The following PIEZO1 variants were observed in gnomAD, a reference collection of about 807,000 sequenced individuals.
The protein encoded by PIEZO1 is piezo type mechanosensitive ion channel component 1 (Er blood group).
In PIEZO1, 296 loss-of-function variants were observed where a neutral mutation model predicts 297.2. The observed-to-expected ratio is 1.00, with a 90% CI of 0.91 to 1.10. The LOEUF is 1.10. Among genes scored for constraint, PIEZO1 ranks in the 50% least tolerant of loss-of-function variants. The pLI is 0.00. For synonymous variants in PIEZO1, 2,427 were observed against 1,507.5 expected (o/e 1.61, Z -14.13); for missense variants, 5,018 against 3,455.5 (o/e 1.45, Z -11.34).
At chr16:88,729,863 G>C (rs891605893) in intron 22 of PIEZO1, among the ~76,000 whole-genome samples, 13 of 151,824 alleles carry the variant, frequency 8.6e-5, no homozygotes, top group Non-Finnish European at 1.8e-4. Flanking sequence ...GGGGAACCCA[G>C]GACATGCTGA....
chr16:88,732,444 A>C lies in PIEZO1; in HGVS notation c.2882T>G (p.Leu961Arg), dbSNP rs771591364. 6.5e-7 allele frequency: 1 copy of C among 1,549,486 alleles called. No homozygotes were observed. The highest frequency in any genetic ancestry group is 1.4e-5 in the African/African-American group (1 of 73,012). The change falls in exon 21 of 51, where the codon CTG becomes CGG. Residue 961 changes from leucine to arginine, a missense_variant. Physicochemically the swap from Leu to Arg is moderately radical, Grantham distance 102. Transcript: ENST00000301015. ...GCTGGCAAACACGGCCTGGGCAGGC[A>C]GCGGGGCCAGCTGGTGCTGCCGGCG... is the stretch of plus-strand genomic sequence containing the variant. The part of the protein sequence containing the change: ...HYRRQHQLAP[L>R]PAQAVFASGT...
chr16:88,773,963 G>A (rs1907542949), intron 1 of PIEZO1, among the ~76,000 whole-genome samples: 1 of 152,122 alleles, frequency 6.6e-6, no homozygotes, highest in African/African-American at 2.4e-5. Flanking sequence ...AGTCCCTTCA[G>A]CACCGCAAGC....
chr16:88,722,703 C>G lies in PIEZO1; in HGVS notation c.4669-14G>C. 6.5e-7 allele frequency: 1 copy of G among 1,534,486 alleles called. No individual in the cohort carries two copies. The highest frequency in any genetic ancestry group is 2.4e-5 in the East Asian group (1 of 40,860). ...CACTTCGCCGCCCTGCAGGGCACAG[C>G]AGGGGGCTCAGGGCTGCGTCCAGCT... On this transcript the variant is annotated splice_polypyrimidine_tract_variant and intron_variant, in intron 34 of 50. Transcript: ENST00000301015.
Position 88,719,815 on chromosome 16 carries a change from A to T in PIEZO1, c.6310T>A (p.Phe2104Ile). The T allele has an allele frequency of 6.4e-7, 1 of 1,550,488 alleles. No homozygotes were observed. Among genetic ancestry groups the T allele is most frequent in the Non-Finnish European group, 8.7e-7 (1 of 1,146,912 alleles). Residue 2104 changes from phenylalanine to isoleucine, a missense_variant, in exon 43 of 51, where the codon TTC becomes ATC. Physicochemically the swap from Phe to Ile is conservative, Grantham distance 21. Transcript: ENST00000301015. Reference sequence around the variant, plus strand: ...ACCTGCACTCACCCCTGGAAGAGGAAGAGGTTGAGATGATTGTACTTCTTG... The same window carrying T: ...ACCTGCACTCACCCCTGGAAGAGGATGAGGTTGAGATGATTGTACTTCTTG... Reference protein sequence around the residue: ...LTKKYNHLNLFLFQGFRLVPF... With the variant: ...LTKKYNHLNLILFQGFRLVPF...
chr16:88,764,612 A>G lies in PIEZO1; in HGVS notation c.65-15133T>C, dbSNP rs550895996. 5.9e-5 allele frequency among the ~76,000 whole-genome samples: 9 copies of G among 151,972 alleles called. No homozygotes were observed. The East Asian group carries it at 1.7e-3, about 29-fold the overall frequency. On this transcript the variant is annotated intron_variant, in intron 1 of 50. Coordinates refer to ENST00000301015, the MANE Select transcript of PIEZO1 (RefSeq NM_001142864.4). ...CTAAAAATACAAAAATTAGCCGGGC[A>G]TGGTGGCACGTACCTGTAATCCCAG... is the stretch of plus-strand genomic sequence containing the variant.
chr16:88,784,932 G>A lies in PIEZO1; in HGVS notation c.33C>T (p.Tyr11=). The change falls in exon 1 of 51, where the codon TAC becomes TAT. Residue 11 remains tyrosine, a synonymous_variant. Coordinates refer to ENST00000301015, the MANE Select transcript of PIEZO1 (RefSeq NM_001142864.4). ...GCAGCGCGCAGGGCAGCAGCAGCCA[G>A]TACAGGACCGCGCCGAGCACGTGCG... MEPHVLGAVL[Y]WLLLPCALLA... The A allele has an allele frequency of 7.1e-7, 1 of 1,414,564 alleles. No individual in the cohort carries two copies. The highest frequency in any genetic ancestry group is 9.3e-7 in the Non-Finnish European group (1 of 1,079,152). 87.6% of individuals were successfully genotyped at this position (1,414,564 alleles called of 1,614,324 possible). A position where few individuals can be genotyped will look rare whatever the true frequency, so the allele number is the denominator to read the frequency against.
Position 88,721,401 on chromosome 16 carries a change from G to A in PIEZO1, c.5433C>T (p.Asp1811=). The change falls in exon 39 of 51, where the codon GAC becomes GAT. Residue 1811 remains aspartate, a synonymous_variant. Coordinates refer to ENST00000301015, the MANE Select transcript of PIEZO1 (RefSeq NM_001142864.4). ...TCTTGTCATGCTCCTTGGATGGTGA[G>A]TCCTCCTCATGGTCCCAGAGGCCAT... The part of the protein sequence containing the change: ...LCYGLWDHEE[D]SPSKEHDKSG... The A allele has an allele frequency of 1.3e-6, 2 of 1,549,780 alleles. No individual in the cohort carries two copies. Among genetic ancestry groups the A allele is most frequent in the Non-Finnish European group, 1.7e-6 (2 of 1,146,720 alleles).
At chr16:88,780,888 C>A (rs774111306) in intron 1 of PIEZO1, among the ~76,000 whole-genome samples, 47 of 152,162 alleles carry the variant, frequency 3.1e-4, no homozygotes, top group Non-Finnish European at 6.0e-4. Context: ...GCCCTGGAGG[C>A]TGAAGTTGTA....
intron 1 of PIEZO1, among the ~76,000 whole-genome samples, chr16:88,780,092 G>A (rs1302397198): frequency 6.6e-6 from 1 of 152,140 alleles, no homozygotes; most frequent in Non-Finnish European, 1.5e-5. Context: ...TGCTGCCCAC[G>A]AGCCGCCACC....
intron 1 of PIEZO1, among the ~76,000 whole-genome samples, chr16:88,749,839 C>T (rs1034500508): frequency 3.3e-5 from 5 of 152,234 alleles, no homozygotes; most frequent in South Asian, 4.1e-4. Flanking sequence ...ACCAGCCTGG[C>T]CAACGTGGTG....
At chr16:88,739,167 G>A (rs1905464979) in intron 5 of PIEZO1, 1 of 172,466 alleles carries the variant, frequency 5.8e-6, no homozygotes, top group Non-Finnish European at 1.2e-5. Context: ...CAGGCTCCAG[G>A]GTCTCCTGTG....
At position 88,720,689 on chromosome 16, in the gene PIEZO1, C is replaced by G. The variant is rs200929552; in HGVS notation, c.5728G>C (p.Glu1910Gln). Residue 1910 changes from glutamate to glutamine, a missense_variant, in exon 40 of 51, where the codon GAG becomes CAG. By Grantham distance (29) the Glu-to-Gln change is conservative. Transcript: ENST00000301015. ...CCTCCAGAGCGGCTTGGCCTCTTCT[C>G]TCTCCCCGTGGGGGCCTCTTTCTCT... is the stretch of plus-strand genomic sequence containing the variant. ...EEEKEAPTGR[E>Q]KRPSRSGGRV... is the part of the protein sequence containing the mutation. 1 of 1,542,858 alleles carries G rather than the reference C, an allele frequency of 6.5e-7. No individual in the cohort carries two copies. The highest frequency in any genetic ancestry group is 8.7e-7 in the Non-Finnish European group (1 of 1,143,474).
intron 1 of PIEZO1, among the ~76,000 whole-genome samples, chr16:88,783,127 C>T (rs553599170): frequency 1.6e-4 from 25 of 152,306 alleles, no homozygotes; most frequent in South Asian, 4.1e-4. Flanking sequence ...TGGGCTACCT[C>T]CCCATCCTCC....
intron 27 of PIEZO1, 61 bp from the exon 28 acceptor site, chr16:88,725,745 C>A: frequency 1.2e-6 from 1 of 844,784 alleles, no homozygotes; most frequent in Non-Finnish European, 2.0e-6. Context: ...ACATGGGCAG[C>A]CGCCGCTCCC....
At chr16:88,762,867 T>A (rs1906994488) in intron 1 of PIEZO1, among the ~76,000 whole-genome samples, 1 of 152,164 alleles carries the variant, frequency 6.6e-6, no homozygotes, top group Admixed American at 6.5e-5. Flanking sequence ...CCAGCAGCTA[T>A]GAGTTCACAG....
At chr16:88,772,051 G>A (rs1445190359) in intron 1 of PIEZO1, among the ~76,000 whole-genome samples, 1 of 131,608 alleles carries the variant, frequency 7.6e-6, no homozygotes, top group Non-Finnish European at 1.6e-5. Context: ...GTCCACCCGC[G>A]GCCCCAGGCC....
At chr16:88,755,921 T>C (rs1408189134) in intron 1 of PIEZO1, among the ~76,000 whole-genome samples, 4 of 151,984 alleles carry the variant, frequency 2.6e-5, no homozygotes, top group Non-Finnish European at 4.4e-5. Context: ...GGGGTGGCAA[T>C]TCCTGGGTTC....
chr16:88,770,132 T>C (rs1907355559), intron 1 of PIEZO1, among the ~76,000 whole-genome samples: 1 of 149,446 alleles, frequency 6.7e-6, no homozygotes, highest in African/African-American at 2.5e-5. Context: ...CCCCACCCTC[T>C]CTCCAGGCAG....
rs770222800 is a variant in PIEZO1, at chr16:88,732,451, C to T, written c.2875G>A (p.Ala959Thr). ...QEHYRRQHQL[A>T]PLPAQAVFAS... is the part of the protein sequence containing the mutation. ...AACACGGCCTGGGCAGGCAGCGGGG[C>T]CAGCTGGTGCTGCCGGCGGTAGTGC... The change falls in exon 21 of 51, where the codon GCC (alanine) becomes ACC (threonine). Residue 959 changes from alanine (A) to threonine (T), a missense_variant. Transcript: ENST00000301015. 3.2e-5 allele frequency: 50 copies of T among 1,549,414 alleles called. No homozygotes were observed. The Middle Eastern group carries it at 8.3e-4, about 26-fold the overall frequency.
Sources: allele counts gnomAD v4.1 joint callset (sites outside exome capture counted in the v4.1 genomes callset), GRCh38; gene constraint gnomAD v4.1.1; transcripts MANE v1.5; gene names NCBI Gene and HGNC (gene_info 2026-07-23, HGNC 2026-07-21).